The following PAPOLA variants were observed in gnomAD, a reference collection of about 807,000 sequenced individuals.
PAPOLA encodes the protein polynucleotide adenylyltransferase alpha.
In PAPOLA, 15 loss-of-function variants were observed where a neutral mutation model predicts 100.6. The ratio of observed to expected loss-of-function variants is 0.15; its 90% confidence interval spans 0.10 to 0.23. The LOEUF (loss-of-function observed/expected upper bound fraction) is 0.23, where lower values mean the gene tolerates loss of function less well. Ranked by LOEUF, PAPOLA falls within the 10% of genes least tolerant of loss-of-function variation. The pLI is 1.00. For missense variants in PAPOLA, 533 were observed against 884.2 expected, an observed-to-expected ratio of 0.60 and a Z score of 5.04; for synonymous variants, 293 against 300.0, an observed-to-expected ratio of 0.98 and a Z score of 0.24.
chr14:96,559,929 G>C (rs1214315548), intron 19 of PAPOLA, among the ~76,000 whole-genome samples: 1 of 151,986 alleles, frequency 6.6e-6, no homozygotes, highest in Non-Finnish European at 1.5e-5. Context: ...TCAGTATTCA[G>C]ATTTGGCCAA....
chr14:96,514,429 C>T (rs1299570282), intron 1 of PAPOLA, among the ~76,000 whole-genome samples: 1 of 152,096 alleles, frequency 6.6e-6, no homozygotes, highest in Non-Finnish European at 1.5e-5. Flanking sequence ...GATCCGCCCG[C>T]CTTGGCCTCC....
chr14:96,504,520 T>C (rs1393946638), intron 1 of PAPOLA: 1 of 152,198 alleles, frequency 6.6e-6, no homozygotes, highest in African/African-American at 2.4e-5. Flanking sequence ...CTGGGCAACA[T>C]GGCGAAACTT....
At chr14:96,564,267 A>T (rs1902104774) in intron 21 of PAPOLA, among the ~76,000 whole-genome samples, 1 of 152,050 alleles carries the variant, frequency 6.6e-6, no homozygotes, top group African/African-American at 2.4e-5. Flanking sequence ...TGAAAGTGGG[A>T]GGACAGTGGC....
At chr14:96,523,671 C>T (rs1898211043) in intron 3 of PAPOLA, among the ~76,000 whole-genome samples, 1 of 152,130 alleles carries the variant, frequency 6.6e-6, no homozygotes, top group Admixed American at 6.5e-5. Context: ...TACAGCCAGG[C>T]GCAGTGGCTT....
chr14:96,548,493 T>C lies in PAPOLA; in HGVS notation c.1521+575T>C, dbSNP rs553323337. On this transcript the variant is annotated intron_variant, in intron 16 of 21. Coordinates refer to ENST00000216277, the MANE Select transcript of PAPOLA (RefSeq NM_032632.5). ...TTCCTTATTTGGACTTTAGTGAGCA[T>C]ATTGGAATTTTAGTGGACAGATACA... Among the ~76,000 whole-genome samples, 21 of 152,314 alleles carry C rather than the reference T, an allele frequency of 1.4e-4. No individual in the cohort carries two copies. The East Asian group carries it at 4.0e-3, about 29-fold the overall frequency.
chr14:96,517,569 G>GA (rs113573018), intron 1 of PAPOLA, among the ~76,000 whole-genome samples: 12 of 149,832 alleles, frequency 8.0e-5, no homozygotes, highest in Admixed American at 3.3e-4. Flanking sequence ...AAAACTGGGG[G>GA]AAAAAAAAAC....
intron 9 of PAPOLA, chr14:96,533,924 A>G: frequency 1.0e-6 from 1 of 985,294 alleles, no homozygotes; most frequent in Non-Finnish European, 1.2e-6. Context: ...TGATGTTAAG[A>G]GTGGCAGGTG....
chr14:96,507,576 A>G (rs1362447081), intron 1 of PAPOLA, among the ~76,000 whole-genome samples: 4 of 152,128 alleles, frequency 2.6e-5, no homozygotes, highest in African/African-American at 9.7e-5. Flanking sequence ...CGCCTGGCCG[A>G]AAATAGTTTT....
intron 12 of PAPOLA, among the ~76,000 whole-genome samples, chr14:96,540,855 A>C (rs972062082): frequency 6.6e-6 from 1 of 152,224 alleles, no homozygotes; most frequent in Non-Finnish European, 1.5e-5. Context: ...AGAATTGCCT[A>C]GGATTACATA....
intron 13 of PAPOLA, 116 bp from the exon 14 acceptor site, chr14:96,542,658 C>T: frequency 1.1e-5 from 11 of 960,612 alleles, no homozygotes; most frequent in Non-Finnish European, 1.5e-5. Flanking sequence ...GAACATAAGG[C>T]TTCTGGTTTT....
chr14:96,522,116 CTTTTTT>C (rs754167531), intron 3 of PAPOLA, among the ~76,000 whole-genome samples: 7 of 57,842 alleles, frequency 1.2e-4, no homozygotes, highest in African/African-American at 4.4e-4. Flanking sequence ...TTCTTTCTTT[CTTTTTT>C]TTTTTTTTTT....
chr14:96,536,021 C>G, intron 11 of PAPOLA, 22 bp downstream of exon 11: 2 of 1,547,268 alleles, frequency 1.3e-6, no homozygotes, highest in South Asian at 2.5e-5. Context: ...TCCTTATGCT[C>G]TGATTTATAC....
Position 96,527,946 on chromosome 14 carries a change from C to T in PAPOLA, c.442-7C>T. The T allele has an allele frequency of 1.2e-6, 2 of 1,600,504 alleles. No individual in the cohort carries two copies. Among genetic ancestry groups the T allele is most frequent in the Non-Finnish European group, 1.7e-6 (2 of 1,167,828 alleles). Reference sequence around the variant, plus strand: ...AGAGACCCTGAACTTGTTTACTTTCCTTATAGGCTGTTGAAGAGGCATTCG... The same window carrying T: ...AGAGACCCTGAACTTGTTTACTTTCTTTATAGGCTGTTGAAGAGGCATTCG... On this transcript the variant is annotated splice_region_variant and splice_polypyrimidine_tract_variant and intron_variant, in intron 5 of 21. Transcript: ENST00000216277.
At chr14:96,518,516 C>T (rs1162810372) in intron 1 of PAPOLA, among the ~76,000 whole-genome samples, 2 of 151,846 alleles carry the variant, frequency 1.3e-5, no homozygotes, top group Admixed American at 6.6e-5. Flanking sequence ...TCACGCCATT[C>T]TCCTGCCTCA....
intron 15 of PAPOLA, 56 bp from the exon 16 acceptor site, chr14:96,547,741 A>AT: frequency 7.1e-7 from 1 of 1,403,224 alleles, no homozygotes; most frequent in South Asian, 1.3e-5. Flanking sequence ...TGGAGTGAGT[A>AT]TAACTGCCTT....
chr14:96,532,300 G>A (rs1270981057), intron 7 of PAPOLA, 31 bp from the exon 8 acceptor site: 2 of 1,586,956 alleles, frequency 1.3e-6, no homozygotes, highest in South Asian at 1.2e-5. Context: ...GTGTGTGTGT[G>A]TGTGTGTTTT....
chr14:96,541,225 T>A (rs1899963594), intron 12 of PAPOLA, among the ~76,000 whole-genome samples: 1 of 152,206 alleles, frequency 6.6e-6, no homozygotes, highest in Non-Finnish European at 1.5e-5. Context: ...AAAATAAGTT[T>A]GGTAGTTTTT....
chr14:96,506,532 A>G (rs1227947025), intron 1 of PAPOLA, among the ~76,000 whole-genome samples: 2 of 152,214 alleles, frequency 1.3e-5, no homozygotes, highest in African/African-American at 2.4e-5. Context: ...ACAACTGACT[A>G]TTCCTGGCCA....
rs1164114097 is a variant in PAPOLA, at chr14:96,556,406, C to T, written c.1997C>T (p.Thr666Ile). 1 of 1,589,662 alleles carries T rather than the reference C, an allele frequency of 6.3e-7. No homozygotes were observed. The highest frequency in any genetic ancestry group is 8.6e-7 in the Non-Finnish European group (1 of 1,158,058). Residue 666 changes from threonine to isoleucine, a missense_variant, in exon 19 of 22, where the codon ACA (threonine) becomes ATA (isoleucine). Around this residue, in one of 9 missense-constraint regions of PAPOLA, gnomAD observed 242 missense variants for 281.0 expected, o/e 0.86. Transcript: ENST00000216277. ...HKEESPKKTK[T>I]EEDETSEDAN... Reference sequence around the variant, plus strand: ...GAAGAGAGTCCCAAGAAAACCAAAACAGAAGAGGTATATATATGAAAAACA... The same window carrying T: ...GAAGAGAGTCCCAAGAAAACCAAAATAGAAGAGGTATATATATGAAAAACA...
Sources: gnomAD v4.1 joint callset for allele counts (sites outside exome capture counted in the v4.1 genomes callset) on GRCh38, gnomAD v4.1.1 for gene constraint, gnomAD v4.1.1 regional missense constraint, MANE v1.5 for transcripts, NCBI Gene and HGNC (gene_info 2026-07-23, HGNC 2026-07-21) for gene names.